The following ANKS1B variants were observed in gnomAD, a reference collection of about 807,000 sequenced individuals.
The protein encoded by ANKS1B is ankyrin repeat and sterile alpha motif domain-containing protein 1B.
A neutral mutation model predicts 148.3 loss-of-function variants in ANKS1B; 36 were observed. The ratio of observed to expected loss-of-function variants is 0.24; its 90% confidence interval spans 0.19 to 0.32. The LOEUF is 0.32. Ranked by LOEUF, ANKS1B falls within the 10% of genes least tolerant of loss-of-function variation. ANKS1B has a pLI of 1.00. For synonymous variants in ANKS1B, 542 were observed against 560.8 expected, an observed-to-expected ratio of 0.97 and a Z score of 0.47; for missense variants, 1,157 against 1,542.6, an observed-to-expected ratio of 0.75 and a Z score of 4.19.
chr12:99,091,416 T>C (rs1310779622), intron 15 of ANKS1B, among the ~76,000 whole-genome samples: 1 of 152,194 alleles, frequency 6.6e-6, no homozygotes, highest in African/African-American at 2.4e-5. Flanking sequence ...TGTAATTCAC[T>C]TGAGATGTGT....
intron 12 of ANKS1B, among the ~76,000 whole-genome samples, chr12:99,281,768 A>C (rs1182674866): frequency 1.3e-5 from 2 of 152,232 alleles, no homozygotes; most frequent in Admixed American, 1.3e-4. Context: ...TGGGCTTTGA[A>C]AGTAGGCTGT....
intron 8 of ANKS1B, among the ~76,000 whole-genome samples, chr12:99,758,240 T>C (rs1387392611): frequency 6.6e-6 from 1 of 151,932 alleles, no homozygotes; most frequent in Non-Finnish European, 1.5e-5. Context: ...AAACATTGGT[T>C]TGACACCTTC....
chr12:98,928,468 T>C (rs1402361360), intron 17 of ANKS1B, among the ~76,000 whole-genome samples: 1 of 151,824 alleles, frequency 6.6e-6, no homozygotes, highest in Non-Finnish European at 1.5e-5. Flanking sequence ...AATGAGACAA[T>C]GACATCACAA....
At chr12:99,788,488 G>A (rs2065240916) in intron 4 of ANKS1B, among the ~76,000 whole-genome samples, 1 of 152,146 alleles carries the variant, frequency 6.6e-6, no homozygotes, top group Non-Finnish European at 1.5e-5. Context: ...TACACCATGG[G>A]CCTTGTTGTC....
chr12:99,245,378 G>A (rs2090079956), intron 13 of ANKS1B, among the ~76,000 whole-genome samples: 2 of 152,188 alleles, frequency 1.3e-5, no homozygotes, highest in Admixed American at 1.3e-4. Flanking sequence ...TTTAAAGGAA[G>A]ATATGATGGT....
At chr12:99,634,755 A>G (rs1220324832) in intron 9 of ANKS1B, among the ~76,000 whole-genome samples, 1 of 152,228 alleles carries the variant, frequency 6.6e-6, no homozygotes, top group Non-Finnish European at 1.5e-5. Flanking sequence ...AAGCAACAAA[A>G]GTAAAAATTA....
At chr12:99,297,622 C>G (rs1386686658) in intron 12 of ANKS1B, among the ~76,000 whole-genome samples, 1 of 152,172 alleles carries the variant, frequency 6.6e-6, no homozygotes, top group African/African-American at 2.4e-5. Context: ...ACTGAAGAGA[C>G]TGGAAATTGT....
At chr12:99,912,159 A>G (rs1040575078) in intron 1 of ANKS1B, among the ~76,000 whole-genome samples, 2 of 152,228 alleles carry the variant, frequency 1.3e-5, no homozygotes. Flanking sequence ...TTGATTTATT[A>G]AAGTGGAGAG....
chr12:99,416,379 A>G (rs1427776776), intron 11 of ANKS1B, among the ~76,000 whole-genome samples: 1 of 152,220 alleles, frequency 6.6e-6, no homozygotes, highest in Non-Finnish European at 1.5e-5. Context: ...AGAAGTACAA[A>G]TGCTGGTTGG....
chr12:99,307,183 T>C (rs574505529), intron 12 of ANKS1B, among the ~76,000 whole-genome samples: 22 of 152,270 alleles, frequency 1.4e-4, no homozygotes, highest in African/African-American at 5.0e-4. Context: ...AAAAACTGTA[T>C]AATTGTGATT....
intron 17 of ANKS1B, among the ~76,000 whole-genome samples, chr12:98,945,683 C>T (rs926341371): frequency 3.2e-4 from 48 of 152,142 alleles, no homozygotes; most frequent in African/African-American, 1.1e-3. Flanking sequence ...GTTTTGCATT[C>T]ATTCCTCAAT....
intron 16 of ANKS1B, among the ~76,000 whole-genome samples, chr12:99,073,059 C>T (rs1055128442): frequency 8.5e-5 from 13 of 152,172 alleles, no homozygotes; most frequent in African/African-American, 2.7e-4. Context: ...AGCTTCAAAC[C>T]TTCTTTTTAA....
chr12:99,160,442 C>T (rs2076533214), intron 14 of ANKS1B, among the ~76,000 whole-genome samples: 1 of 151,618 alleles, frequency 6.6e-6, no homozygotes, highest in African/African-American at 2.4e-5. Flanking sequence ...GGGTTCATGC[C>T]ATTCTCCTAC....
At position 99,737,448 on chromosome 12, in the gene ANKS1B, A is replaced by T. The variant is rs79506274; in HGVS notation, c.1128+35474T>A. Among the ~76,000 whole-genome samples, 857 of 152,204 alleles carry T rather than the reference A, an allele frequency of 5.6e-3. 12 individuals are homozygous for T. The highest frequency in any genetic ancestry group is 0.02 in the African/African-American group (818 of 41,552). On this transcript the variant is annotated intron_variant, in intron 8 of 26. Coordinates refer to ENST00000683438, the MANE Select transcript of ANKS1B (RefSeq NM_001352186.2). The stretch of plus-strand genomic sequence containing the variant: ...AAGCTAGACATACAAAGACAAACAT[A>T]ATATCACATTTTCTCACTCATATGT...
At chr12:98,832,659 A>T (rs1403231476) in intron 17 of ANKS1B, among the ~76,000 whole-genome samples, 2 of 152,034 alleles carry the variant, frequency 1.3e-5, no homozygotes, top group East Asian at 3.9e-4. Context: ...GTGACTTCTC[A>T]TGGTTCTGGA....
intron 9 of ANKS1B, among the ~76,000 whole-genome samples, chr12:99,589,932 C>T (rs79202203): frequency 6.6e-6 from 1 of 151,904 alleles, no homozygotes; most frequent in East Asian, 1.9e-4. Flanking sequence ...TCACTTGTAC[C>T]CCATAAATAT....
chr12:99,642,716 C>T (rs902631505), intron 9 of ANKS1B, among the ~76,000 whole-genome samples: 4 of 152,156 alleles, frequency 2.6e-5, no homozygotes, highest in African/African-American at 9.7e-5. Context: ...ACTCAGGAGG[C>T]TGAGGCAGGA....
At chr12:98,802,292 G>T (rs1181190058) in intron 20 of ANKS1B, among the ~76,000 whole-genome samples, 10 of 152,214 alleles carry the variant, frequency 6.6e-5, no homozygotes, top group Admixed American at 6.5e-4. Flanking sequence ...TTGACACACT[G>T]TGGGATTTCT....
chr12:99,428,626 T>G (rs2095307172), intron 11 of ANKS1B, among the ~76,000 whole-genome samples: 1 of 152,176 alleles, frequency 6.6e-6, no homozygotes, highest in South Asian at 2.1e-4. Context: ...ATGTGTATAT[T>G]TGTGTATACA....
Sources: gnomAD v4.1 joint callset for allele counts (sites outside exome capture counted in the v4.1 genomes callset) on GRCh38, gnomAD v4.1.1 for gene constraint, MANE v1.5 for transcripts, NCBI Gene and HGNC (gene_info 2026-07-23, HGNC 2026-07-21) for gene names.